Variants in HIPK2 observed in about 807,000 individuals in gnomAD.
HIPK2 encodes homeodomain-interacting protein kinase 2.
In HIPK2, 27 loss-of-function variants were observed where a neutral mutation model predicts 113.7. The observed-to-expected ratio is 0.24, with a 90% confidence interval of 0.17 to 0.33. The LOEUF (loss-of-function observed/expected upper bound fraction) is 0.33. Among genes scored for constraint, HIPK2 ranks in the 10% least tolerant of loss-of-function variants. The pLI, the probability that HIPK2 is intolerant of heterozygous loss-of-function variation, is 1.00. For synonymous variants in HIPK2, 631 were observed against 642.2 expected (o/e 0.98, Z 0.26); for missense variants, 1,257 against 1,588.0 (o/e 0.79, Z 3.54).
At chr7:139,686,246 T>C (rs1050160460) in intron 2 of HIPK2, among the ~76,000 whole-genome samples, 2 of 152,228 alleles carry the variant, frequency 1.3e-5, no homozygotes, top group African/African-American at 4.8e-5. Flanking sequence ...GAGCTGAAGA[T>C]GTGACTGAAT....
At chr7:139,681,028 G>A (rs1361428900) in intron 2 of HIPK2, among the ~76,000 whole-genome samples, 9 of 152,162 alleles carry the variant, frequency 5.9e-5, no homozygotes, top group Non-Finnish European at 1.2e-4. Context: ...GTCACTCCAT[G>A]ATAAAGCCAC....
intron 9 of HIPK2, among the ~76,000 whole-genome samples, chr7:139,611,339 C>G (rs895849635): frequency 6.6e-6 from 1 of 151,958 alleles, no homozygotes; most frequent in Non-Finnish European, 1.5e-5. Flanking sequence ...TATTAAAAAG[C>G]ATATCATATC....
chr7:139,624,807 G>C (rs1424788564), intron 6 of HIPK2, among the ~76,000 whole-genome samples: 1 of 152,058 alleles, frequency 6.6e-6, no homozygotes, highest in Non-Finnish European at 1.5e-5. Flanking sequence ...ATTCCACCTG[G>C]ACAAACCTAG....
intron 2 of HIPK2, among the ~76,000 whole-genome samples, chr7:139,638,332 T>G (rs1327197828): frequency 2.0e-5 from 3 of 152,100 alleles, no homozygotes; most frequent in African/African-American, 7.2e-5. Context: ...CCTGCTCCCC[T>G]CCCTGCCCGC....
intron 1 of HIPK2, among the ~76,000 whole-genome samples, chr7:139,729,369 G>C (rs1795696991): frequency 7.2e-6 from 1 of 138,184 alleles, no homozygotes; most frequent in African/African-American, 3.2e-5. Context: ...GAGAGAGAGA[G>C]AGAGAGAGAG....
chr7:139,687,018 A>C (rs1794242670), intron 2 of HIPK2, among the ~76,000 whole-genome samples: 1 of 152,266 alleles, frequency 6.6e-6, no homozygotes, highest in Non-Finnish European at 1.5e-5. Context: ...CATCGAGGTA[A>C]GACCCTCCAA....
chr7:139,658,167 G>T (rs1801738217), intron 2 of HIPK2, among the ~76,000 whole-genome samples: 1 of 152,170 alleles, frequency 6.6e-6, no homozygotes, highest in Non-Finnish European at 1.5e-5. Context: ...TTAGCTGAGT[G>T]GAGTGGTGTG....
chr7:139,768,923 C>T (rs1230651338), intron 1 of HIPK2, among the ~76,000 whole-genome samples: 3 of 152,214 alleles, frequency 2.0e-5, no homozygotes, highest in African/African-American at 7.2e-5. Context: ...ATTGGAACAG[C>T]CTCTTCATTG....
intron 12 of HIPK2, 37 bp from the exon 13 acceptor site, chr7:139,584,101 G>C: frequency 6.5e-7 from 1 of 1,547,234 alleles, no homozygotes; most frequent in Non-Finnish European, 8.7e-7. Flanking sequence ...GGTGGGAGAA[G>C]GCCGTGAGGT....
chr7:139,661,259 C>T (rs995692160), intron 2 of HIPK2, among the ~76,000 whole-genome samples: 2 of 152,144 alleles, frequency 1.3e-5, no homozygotes, highest in Admixed American at 6.5e-5. Flanking sequence ...GAGAACAATC[C>T]GACACCCAAT....
rs1202397897 is a variant in HIPK2, at chr7:139,583,870, G to A, written c.2912C>T (p.Pro971Leu). The change falls in exon 13 of 15, where the codon CCC becomes CTC. Residue 971 changes from proline to leucine, a missense_variant. Pro to Leu is a moderately conservative substitution (Grantham distance 98). Coordinates refer to ENST00000406875, the MANE Select transcript of HIPK2 (RefSeq NM_022740.5). ...TACTTCGCTGGCCTGGGTTTTCAGGGGTGGCACGATGATGGTTCGGGGGTT... is the reference window on the plus strand; with the variant it reads ...TACTTCGCTGGCCTGGGTTTTCAGGAGTGGCACGATGATGGTTCGGGGGTT... ...TGNPRTIIVPPLKTQASEVLV... is the reference protein window; with the variant it reads ...TGNPRTIIVPLLKTQASEVLV... 6.2e-7 allele frequency: 1 copy of A among 1,613,286 alleles called. No individual in the cohort carries two copies. The highest frequency in any genetic ancestry group is 8.5e-7 in the Non-Finnish European group (1 of 1,179,666).
intron 1 of HIPK2, among the ~76,000 whole-genome samples, chr7:139,767,298 C>T (rs376554420): frequency 1.5e-3 from 228 of 152,310 alleles, no homozygotes; most frequent in Non-Finnish European, 2.7e-3. Context: ...GGTTGAAGAA[C>T]CACTTCTTCC....
intron 1 of HIPK2, among the ~76,000 whole-genome samples, chr7:139,731,363 T>C (rs1451389167): frequency 2.0e-5 from 3 of 152,232 alleles, no homozygotes; most frequent in Non-Finnish European, 4.4e-5. Context: ...GCAAATATAT[T>C]TGTTCATTGT....
intron 1 of HIPK2, among the ~76,000 whole-genome samples, chr7:139,748,154 A>G (rs966697531): frequency 1.3e-5 from 2 of 152,188 alleles, no homozygotes; most frequent in African/African-American, 2.4e-5. Flanking sequence ...TGACCTTCAC[A>G]GAACACCCGT....
At chr7:139,633,095 CAAAAAAAAAAA>C (rs942820284) in intron 2 of HIPK2, among the ~76,000 whole-genome samples, 2 of 74,640 alleles carry the variant, frequency 2.7e-5, no homozygotes, top group South Asian at 6.1e-4. Flanking sequence ...GACCCTGTCT[CAAAAAAAAAAA>C]AAAAAAAAAA....
At chr7:139,667,164 T>C (rs932991056) in intron 2 of HIPK2, among the ~76,000 whole-genome samples, 1 of 152,210 alleles carries the variant, frequency 6.6e-6, no homozygotes, top group South Asian at 2.1e-4. Context: ...TAGTATCATA[T>C]AATTTTGCAT....
intron 1 of HIPK2, among the ~76,000 whole-genome samples, chr7:139,769,438 C>T (rs1390184590): frequency 6.6e-6 from 1 of 152,250 alleles, no homozygotes; most frequent in Non-Finnish European, 1.5e-5. Flanking sequence ...CGGTCCCCTT[C>T]TCCACACCAC....
intron 2 of HIPK2, among the ~76,000 whole-genome samples, chr7:139,632,925 C>G (rs930477471): frequency 4.6e-5 from 7 of 151,644 alleles, no homozygotes; most frequent in Admixed American, 3.3e-4. Context: ...CAAAAACAAA[C>G]AAACAAACAA....
At position 139,613,553 on chromosome 7, in the gene HIPK2, T is replaced by C. The variant is rs1452530907; in HGVS notation, c.1991-230A>G. ...TGTCTTCAAAGGCTAGAAGGTCAGA[T>C]TAAGGAGGCTGTAAGGCCAAAAGTA... On this transcript the variant is annotated intron_variant, in intron 8 of 14. Coordinates refer to ENST00000406875, the MANE Select transcript of HIPK2 (RefSeq NM_022740.5). The surrounding 1 kb of genome is among the most constrained non-coding windows in gnomAD (Gnocchi z 4.2). Among the ~76,000 whole-genome samples, 1 of 152,082 alleles carries C rather than the reference T, an allele frequency of 6.6e-6. No homozygotes were observed. The highest frequency in any genetic ancestry group is 6.6e-5 in the Admixed American group (1 of 15,260).
Sources: gnomAD v4.1 joint callset for allele counts (sites outside exome capture counted in the v4.1 genomes callset) on GRCh38, gnomAD v4.1.1 for gene constraint, Gnocchi (gnomAD v3.1) non-coding constraint, MANE v1.5 for transcripts, NCBI Gene and HGNC (gene_info 2026-07-23, HGNC 2026-07-21) for gene names.